SAAL1: variants seen among roughly 807,000 people sequenced by gnomAD.
SAAL1 encodes the protein protein SAAL1.
In SAAL1, 42 loss-of-function variants were observed where a neutral mutation model predicts 59.8. The ratio of observed to expected loss-of-function variants is 0.70; its 90% CI spans 0.55 to 0.91. SAAL1 has a LOEUF of 0.91. SAAL1 is among the 40% of genes least tolerant of loss of function. SAAL1 has a pLI of 0.00. For synonymous variants in SAAL1, 191 were observed against 194.3 expected, an observed-to-expected ratio of 0.98 and a Z score of 0.14; for missense variants, 542 against 561.1, an observed-to-expected ratio of 0.97 and a Z score of 0.34.
chr11:18,090,998 G>A (rs1317576660), intron 4 of SAAL1: 1 of 152,322 alleles, frequency 6.6e-6, no homozygotes, highest in Non-Finnish European at 1.5e-5. Flanking sequence ...TACCCATGTT[G>A]TTTCTTTAGC....
intron 2 of SAAL1, among the ~76,000 whole-genome samples, chr11:18,097,418 C>T (rs1036617692): frequency 1.3e-5 from 2 of 152,134 alleles, no homozygotes; most frequent in African/African-American, 4.8e-5. Flanking sequence ...AGAGGATTAT[C>T]CCACTCTTTT....
In SAAL1 at chr11:18,086,944, C is replaced by T; in HGVS notation, c.964G>A (p.Val322Met). ...PPIILQEQKT[V>M]LASVFSVLSA... ...AACACTGAAAAAACAGAGGCTAGCA[C>T]TGTTTTCTGTTCTTGAAGAATGATG... The change falls in exon 9 of 12, where the codon GTG becomes ATG. Residue 322 changes from valine (V) to methionine (M), a missense_variant. Transcript: ENST00000524803. The T allele has an allele frequency of 3.1e-6, 5 of 1,614,064 alleles. No individual in the cohort carries two copies. The highest frequency in any genetic ancestry group is 4.2e-6 in the Non-Finnish European group (5 of 1,179,942).
chr11:18,099,343 A>G (rs1297367643), intron 2 of SAAL1, among the ~76,000 whole-genome samples: 1 of 152,154 alleles, frequency 6.6e-6, no homozygotes, highest in Non-Finnish European at 1.5e-5. Flanking sequence ...TTACTCCCCA[A>G]ATATTTTCTG....
chr11:18,092,848 A>G (rs1343586933), intron 3 of SAAL1, among the ~76,000 whole-genome samples: 3 of 152,170 alleles, frequency 2.0e-5, no homozygotes, highest in Admixed American at 6.5e-5. Flanking sequence ...AGGAGGGGAG[A>G]CAACATACTG....
rs1312537522 is a variant in SAAL1 at position 18,096,803 on chromosome 11, C to T, written c.301G>A (p.Val101Ile). 6.3e-7 allele frequency: 1 copy of T among 1,588,776 alleles called. No homozygotes were observed. Among genetic ancestry groups the T allele is most frequent in the Admixed American group, 1.7e-5 (1 of 57,552 alleles). The change falls in exon 3 of 12, where the codon GTA (valine) becomes ATA (isoleucine). Residue 101 changes from valine to isoleucine, a missense_variant. Val to Ile is a conservative substitution (Grantham distance 29). Transcript: ENST00000524803. ...CGAGGACACTTGGACTTGGCCAGTA[C>T]TCCCATGAATATATCAGGAGCATTA... The part of the protein sequence containing the change: ...EFNAPDIFMG[V>I]LAKSKCPRLR...
At chr11:18,091,375 T>A (rs1055636888) in intron 4 of SAAL1, among the ~76,000 whole-genome samples, 1 of 152,232 alleles carries the variant, frequency 6.6e-6, no homozygotes, top group Admixed American at 6.5e-5. Flanking sequence ...GGATTTTTGA[T>A]AGAGAACATT....
At chr11:18,100,496 G>A (rs1032945989) in intron 2 of SAAL1, among the ~76,000 whole-genome samples, 4 of 152,170 alleles carry the variant, frequency 2.6e-5, no homozygotes, top group Non-Finnish European at 2.9e-5. Flanking sequence ...TTGGGAGGCC[G>A]GGGCAGGGGG....
rs934632535 is a variant in SAAL1 at position 18,081,471 on chromosome 11, C to T, written c.1272G>A (p.Gln424=). 2 of 1,614,100 alleles carry T rather than the reference C, an allele frequency of 1.2e-6. No individual in the cohort carries two copies. The highest frequency in any genetic ancestry group is 1.7e-5 in the Admixed American group (1 of 60,020). ...CAGAGGAACACTTCTGTTTGCTCAACTGGCCTTCCTTTACTCCCTGAGCCA... is the reference window on the plus strand; with the variant it reads ...CAGAGGAACACTTCTGTTTGCTCAATTGGCCTTCCTTTACTCCCTGAGCCA... ...ETVAQGVKEG[Q]LSKQKCSSAF... is the part of the protein sequence containing the mutation. Residue 424 remains glutamine (Q), a synonymous_variant, in exon 11 of 12, where the codon CAG becomes CAA. Transcript: ENST00000524803.
intron 1 of SAAL1, among the ~76,000 whole-genome samples, chr11:18,103,689 G>C (rs924703137): frequency 6.6e-6 from 1 of 152,184 alleles, no homozygotes; most frequent in African/African-American, 2.4e-5. Flanking sequence ...TGAACTGCTG[G>C]TACAGGCTCC....
Position 18,090,462 on chromosome 11 carries a change from C to G in SAAL1, c.445G>C (p.Asp149His). 1 of 1,610,506 alleles carries G rather than the reference C, an allele frequency of 6.2e-7. No individual in the cohort carries two copies. ...CTTGTTTCCAGCAGAGTAGGTGGGT[C>G]TGAATCATACAAACAGTGCAATAAC... Reference protein sequence around the residue: ...QVLLHCLYDSDPPTLLETSRL... With the variant: ...QVLLHCLYDSHPPTLLETSRL... The change falls in exon 5 of 12, where the codon GAC (aspartate) becomes CAC (histidine). Residue 149 changes from aspartate (D) to histidine (H), a missense_variant. Asp to His is a moderately conservative substitution (Grantham distance 81, BLOSUM62 -1). Transcript: ENST00000524803.
chr11:18,098,296 TG>T (rs1848598698), intron 2 of SAAL1, among the ~76,000 whole-genome samples: 1 of 152,200 alleles, frequency 6.6e-6, no homozygotes, highest in African/African-American at 2.4e-5. Flanking sequence ...AATGTAACTG[TG>T]GCAGCCTCAT....
chr11:18,087,725 AAT>A (rs1185018129), intron 7 of SAAL1, among the ~76,000 whole-genome samples: 6 of 152,246 alleles, frequency 3.9e-5, no homozygotes, highest in African/African-American at 1.4e-4. Context: ...CAAAAATCTA[AAT>A]AGTTTGGAAA....
intron 3 of SAAL1, 84 bp from the exon 4 acceptor site, chr11:18,092,408 T>C: frequency 1.1e-6 from 1 of 898,470 alleles, no homozygotes; most frequent in South Asian, 1.4e-5. Flanking sequence ...AAACTTTCGC[T>C]GAGCCAAGTT....
chr11:18,089,341 G>C lies in SAAL1; in HGVS notation c.759C>G (p.Ala253=), dbSNP rs1848498672. 1.3e-6 allele frequency: 2 copies of C among 1,548,180 alleles called. No individual in the cohort carries two copies. Residue 253 remains alanine, a synonymous_variant, in exon 7 of 12, where the codon GCC becomes GCG. Transcript: ENST00000524803. The stretch of plus-strand genomic sequence containing the variant: ...AAGAGCTCACCTACCGTACTTGTTT[G>C]GCAGCTTCAAGTATACAGGGCACAA... ...FRLVPCILEA[A]KQVRSENPEW...
At chr11:18,099,380 T>A (rs1169782481) in intron 2 of SAAL1, among the ~76,000 whole-genome samples, 3 of 152,160 alleles carry the variant, frequency 2.0e-5, no homozygotes, top group Non-Finnish European at 1.5e-5. Flanking sequence ...CTGTTTTAGG[T>A]TCTGGGGATA....
rs780255157 is a variant in SAAL1, at chr11:18,087,140, T to C, written c.853+3A>G. On this transcript the variant is annotated splice_donor_region_variant and intron_variant, in intron 8 of 11. Transcript: ENST00000524803. ...TGTAGTGCATCCCGATAAACCACCT[T>C]ACCAATTGCTTGAATTCCATCATCC... 1.4e-5 allele frequency: 22 copies of C among 1,610,694 alleles called. No individual in the cohort carries two copies. The highest frequency in any genetic ancestry group is 2.7e-5 in the African/African-American group (2 of 74,884).
At position 18,096,821 on chromosome 11, in the gene SAAL1, G is replaced by T; in HGVS notation, c.283C>A (p.Pro95Thr). The change falls in exon 3 of 12, where the codon CCT becomes ACT. Residue 95 changes from proline to threonine, a missense_variant. Pro to Thr is a conservative substitution (Grantham distance 38). Transcript: ENST00000524803. ...VALFLQEFNA[P>T]DIFMGVLAKS... The stretch of plus-strand genomic sequence containing the variant: ...GCCAGTACTCCCATGAATATATCAG[G>T]AGCATTAAATTCTTGGAGAAATAAA... The T allele has an allele frequency of 6.3e-7, 1 of 1,584,092 alleles. No individual in the cohort carries two copies. The highest frequency in any genetic ancestry group is 1.1e-5 in the South Asian group (1 of 87,244).
intron 1 of SAAL1, among the ~76,000 whole-genome samples, chr11:18,104,784 G>A (rs1375890946): frequency 1.3e-5 from 2 of 152,128 alleles, no homozygotes; most frequent in African/African-American, 4.8e-5. Context: ...AGAAGATGAG[G>A]CTGGAAAATG....
Position 18,090,238 on chromosome 11 carries a change from T to C in SAAL1, c.526A>G (p.Arg176Gly). 1 of 1,610,892 alleles carries C rather than the reference T, an allele frequency of 6.2e-7. No individual in the cohort carries two copies. Among genetic ancestry groups the C allele is most frequent in the Non-Finnish European group, 8.5e-7 (1 of 1,179,278 alleles). ...QAEVASVWVE[R>G]IQEHPAIYDS... is the part of the protein sequence containing the mutation. The stretch of plus-strand genomic sequence containing the variant: ...TAAATAGCTGGATGTTCCTGGATCC[T>C]TTCAACCCAAACACTGGCCACTTCT... Residue 176 changes from arginine to glycine, a missense_variant, in exon 6 of 12, where the codon AGG becomes GGG. Physicochemically the swap from Arg to Gly is moderately radical, Grantham distance 125 (BLOSUM62 -2). Coordinates refer to ENST00000524803, the MANE Select transcript of SAAL1 (RefSeq NM_138421.3).
Sources: gnomAD v4.1 joint callset for allele counts (sites outside exome capture counted in the v4.1 genomes callset) on GRCh38, gnomAD v4.1.1 for gene constraint, MANE v1.5 for transcripts, NCBI Gene and HGNC (gene_info 2026-07-23, HGNC 2026-07-21) for gene names.